The following CEP63 variants were observed in gnomAD, a reference collection of about 807,000 sequenced individuals.
The protein encoded by CEP63 is centrosomal protein of 63 kDa.
In CEP63, 84 loss-of-function variants were observed where a neutral mutation model predicts 89.1. That is an observed-to-expected ratio of 0.94 (90% CI 0.79 to 1.13). The LOEUF (loss-of-function observed/expected upper bound fraction) is 1.13. CEP63 is among the 50% of genes most tolerant of loss of function. The pLI is 0.00. For missense variants in CEP63, 838 were observed against 813.3 expected (o/e 1.03, Z -0.37); for synonymous variants, 267 against 272.5 (o/e 0.98, Z 0.20).
chr3:134,520,425 T>C (rs1947197199), intron 3 of CEP63, among the ~76,000 whole-genome samples: 1 of 152,108 alleles, frequency 6.6e-6, no homozygotes, highest in African/African-American at 2.4e-5. Flanking sequence ...CTGATATAAA[T>C]GGAAGAATAG....
At chr3:134,505,948 G>C (rs1385834360) in intron 2 of CEP63, among the ~76,000 whole-genome samples, 2 of 152,204 alleles carry the variant, frequency 1.3e-5, no homozygotes, top group Admixed American at 6.5e-5. Context: ...CAAAAGCTAA[G>C]TTGATCCATG....
At chr3:134,510,567 A>G in intron 3 of CEP63, 1 of 550,080 alleles carries the variant, frequency 1.8e-6, no homozygotes. Flanking sequence ...GTACCTGTGA[A>G]CACATTTGGG....
At chr3:134,494,076 T>C (rs913752481) in intron 1 of CEP63, among the ~76,000 whole-genome samples, 10 of 148,570 alleles carry the variant, frequency 6.7e-5, no homozygotes, top group African/African-American at 2.5e-4. Flanking sequence ...TCATGGTGTA[T>C]CTTACCCTTT....
chr3:134,686,102 A>G, the CEP63 span, among the ~76,000 whole-genome samples: 1 of 152,138 alleles, frequency 6.6e-6, no homozygotes. Flanking sequence ...TGCACAAGGG[A>G]AGAAGTGGGA....
At chr3:134,584,354 A>G (rs1958432117) in intron 10 of CEP63, among the ~76,000 whole-genome samples, 1 of 152,160 alleles carries the variant, frequency 6.6e-6, no homozygotes, top group South Asian at 2.1e-4. Flanking sequence ...ATGTTCCATC[A>G]ATACCTAATT....
Position 134,558,255 on chromosome 3 carries a change from G to T in CEP63, c.1581G>T (p.Leu527=). ...QKDLMNTKSQ[L]EISTQMCKKQ... ...ATTTGATGAATACCAAATCTCAGCT[G>T]GAGATTTCTACTCAGATGTGCAAAA... The change falls in exon 13 of 15, where the codon CTG becomes CTT. Residue 527 remains leucine, a synonymous_variant. Coordinates refer to ENST00000675561, the MANE Select transcript of CEP63 (RefSeq NM_001353108.3). 1 of 1,612,752 alleles carries T rather than the reference G, an allele frequency of 6.2e-7. No homozygotes were observed. Among genetic ancestry groups the T allele is most frequent in the Non-Finnish European group, 8.5e-7 (1 of 1,178,896 alleles).
At chr3:134,698,360 A>C in the CEP63 span, among the ~76,000 whole-genome samples, 1 of 152,194 alleles carries the variant, frequency 6.6e-6, no homozygotes, top group Non-Finnish European at 1.5e-5. Flanking sequence ...GAGACCAATA[A>C]ATGGGATCTT....
chr3:134,665,652 G>GACACACACACACACAC, the CEP63 span, among the ~76,000 whole-genome samples: 13 of 95,776 alleles, frequency 1.4e-4, no homozygotes, highest in Admixed American at 4.3e-4. Context: ...GGAAACAGAG[G>GACACACACACACACAC]ACACACACAC....
the CEP63 span, chr3:134,650,971 C>G: frequency 6.2e-7 from 1 of 1,613,000 alleles, no homozygotes; most frequent in South Asian, 1.1e-5. Context: ...GATGCCGCCT[C>G]CTTTCCGACC....
In CEP63 at chr3:134,564,536, G is replaced by A; in HGVS notation, c.*3001G>A. On this transcript the variant is annotated 3_prime_UTR_variant, in exon 15 of 15. Coordinates refer to ENST00000675561, the MANE Select transcript of CEP63 (RefSeq NM_001353108.3). ...TCCTGCCTACATCCTCAGTCAGCAT[G>A]CTGCCTAACACATAACAGATCCTAA... 1 of 985,454 alleles carries A rather than the reference G, an allele frequency of 1.0e-6. No individual in the cohort carries two copies. The highest frequency in any genetic ancestry group is 1.2e-6 in the Non-Finnish European group (1 of 829,940). 61.0% of individuals were successfully genotyped at this position (985,454 alleles called of 1,614,324 possible).
the CEP63 span, among the ~76,000 whole-genome samples, chr3:134,684,324 T>C: frequency 2.0e-4 from 30 of 152,352 alleles, 1 homozygote; most frequent in African/African-American, 6.5e-4. Flanking sequence ...GCCGCCCAGA[T>C]AAAGTCTTCC....
chr3:134,559,531 C>G (rs1455734706), intron 14 of CEP63, 102 bp downstream of exon 14: 1 of 972,360 alleles, frequency 1.0e-6, no homozygotes, highest in Non-Finnish European at 1.5e-6. Flanking sequence ...CTTACTGATT[C>G]TTTTATCATA....
chr3:134,717,534 A>T, the CEP63 span, among the ~76,000 whole-genome samples: 1 of 152,318 alleles, frequency 6.6e-6, no homozygotes, highest in East Asian at 1.9e-4. Flanking sequence ...TTGGAGCCTC[A>T]TTCTAATGTC....
At chr3:134,493,983 T>A (rs1481323966) in intron 1 of CEP63, among the ~76,000 whole-genome samples, 1 of 152,168 alleles carries the variant, frequency 6.6e-6, no homozygotes, top group East Asian at 1.9e-4. Flanking sequence ...TGAAGATTTA[T>A]TATAAAAGGC....
At chr3:134,626,039 C>T in the CEP63 span, among the ~76,000 whole-genome samples, 3 of 152,212 alleles carry the variant, frequency 2.0e-5, no homozygotes, top group Admixed American at 2.0e-4. Context: ...GACAGCAGAC[C>T]CCTGTCCCGG....
chr3:134,700,118 G>T, the CEP63 span, among the ~76,000 whole-genome samples: 1 of 152,260 alleles, frequency 6.6e-6, no homozygotes, highest in African/African-American at 2.4e-5. Context: ...CCTGTACTGA[G>T]TTCCTCCAAC....
Position 134,486,091 on chromosome 3 carries a change from A to G in CEP63, c.-137A>G. The G allele has an allele frequency of 1.0e-6, 1 of 985,326 alleles. No individual in the cohort carries two copies. The highest frequency in any genetic ancestry group is 1.2e-6 in the Non-Finnish European group (1 of 830,016). The allele number at this position is 985,326 out of a possible 1,614,324, so 61.0% of individuals were successfully genotyped here. A position where few individuals can be genotyped will look rare whatever the true frequency, so the allele number is the denominator to read the frequency against. ...CTCGCGTGCAGGGGAAGTCTGGAGA[A>G]GGCATTGTTTCAATTATTAAAAGTG... On this transcript the variant is annotated 5_prime_UTR_variant, in exon 1 of 15. Coordinates refer to ENST00000675561, the MANE Select transcript of CEP63 (RefSeq NM_001353108.3).
rs6766818 is a variant in CEP63 at position 134,507,317 on chromosome 3, C to T, written c.222+31C>T. ...GCAATTTATTTGTTCTTCTTTTTGA[C>T]ATTTTTATCTTGTCTTTTATATTAA... On this transcript the variant is annotated intron_variant, in intron 3 of 14. Coordinates refer to ENST00000675561, the MANE Select transcript of CEP63 (RefSeq NM_001353108.3). The T allele has an allele frequency of 0.68, 1,040,304 of 1,522,916 alleles. 357,018 individuals are homozygous for T. The highest frequency in any genetic ancestry group is 0.81 in the East Asian group (35,771 of 44,190). The allele number at this position is 1,522,916 out of a possible 1,614,324, so 94.3% of individuals were successfully genotyped here.
At chr3:134,775,162 C>T in the CEP63 span, among the ~76,000 whole-genome samples, 2 of 152,194 alleles carry the variant, frequency 1.3e-5, no homozygotes, top group African/African-American at 2.4e-5. Context: ...TTTCCCTCAC[C>T]TCCTGTCACA....
Sources: gnomAD v4.1 joint callset for allele counts (sites outside exome capture counted in the v4.1 genomes callset) on GRCh38, gnomAD v4.1.1 for gene constraint, MANE v1.5 for transcripts, NCBI Gene and HGNC (gene_info 2026-07-23, HGNC 2026-07-21) for gene names.